WNK2: variants seen among roughly 807,000 people sequenced by gnomAD.
WNK2 encodes the protein WNK lysine deficient protein kinase 2.
A neutral mutation model predicts 192.1 loss-of-function variants in WNK2; 67 were observed. The observed-to-expected ratio is 0.35, with a 90% CI of 0.29 to 0.43. The LOEUF (loss-of-function observed/expected upper bound fraction) is 0.43, where lower values mean the gene tolerates loss of function less well. WNK2 is among the 20% of genes least tolerant of loss of function. The pLI, the probability that WNK2 is intolerant of heterozygous loss-of-function variation, is 1.00. For synonymous variants in WNK2, 1,439 were observed against 1,393.9 expected (o/e 1.03, Z -0.72); for missense variants, 2,698 against 3,089.7 (o/e 0.87, Z 3.01).
In WNK2 at chr9:93,293,002, G is replaced by T. The variant is rs759305591; in HGVS notation, c.5537G>T (p.Arg1846Met). ...FVKKATAFLQ[R>M]PSRAGSLGPE... ...AAGAAGGCCACCGCCTTCCTGCAGA[G>T]GCCTTCTCGGGCCGGCTCGCTGGGC... The change falls in exon 23 of 30, where the codon AGG becomes ATG. Residue 1846 changes from arginine (R) to methionine (M), a missense_variant. By Grantham distance (91) the Arg-to-Met change is moderately conservative. This residue lies in a region of WNK2 where 1,098 missense variants were observed against 1,101.0 expected (regional missense o/e 1.00). Coordinates refer to ENST00000427277, the MANE Select transcript of WNK2 (RefSeq NM_006648.4). 3 of 1,584,986 alleles carry T rather than the reference G, an allele frequency of 1.9e-6. No homozygotes were observed. Among genetic ancestry groups the T allele is most frequent in the Non-Finnish European group, 2.6e-6 (3 of 1,167,510 alleles).
chr9:93,208,431 G>A (rs575189901), intron 2 of WNK2, among the ~76,000 whole-genome samples: 30 of 152,314 alleles, frequency 2.0e-4, no homozygotes, highest in Non-Finnish European at 3.8e-4. Flanking sequence ...CTGTGTGCAC[G>A]TTTTCTGTGT....
At chr9:93,199,899 C>A (rs1213554292) in intron 2 of WNK2, among the ~76,000 whole-genome samples, 36 of 107,740 alleles carry the variant, frequency 3.3e-4, no homozygotes, top group Admixed American at 3.2e-4. Flanking sequence ...CTCTTTGTCT[C>A]AAAAAAAAAA....
At chr9:93,306,643 C>A in intron 26 of WNK2, 134 bp from the exon 27 acceptor site, 1 of 1,172,544 alleles carries the variant, frequency 8.5e-7, no homozygotes, top group Non-Finnish European at 1.3e-6. Context: ...GCCGGGTCGG[C>A]CCTCTCTCTG....
chr9:93,208,724 G>A (rs796734425), intron 2 of WNK2, among the ~76,000 whole-genome samples: 8 of 374 alleles, frequency 0.021, no homozygotes, highest in East Asian at 0.045. Context: ...TATGCTCTTC[G>A]TGCGTGTTCT....
chr9:93,294,199 T>A (rs1849859231), intron 23 of WNK2, among the ~76,000 whole-genome samples: 1 of 152,216 alleles, frequency 6.6e-6, no homozygotes, highest in Non-Finnish European at 1.5e-5. Context: ...CTGCACAGCG[T>A]ATGCACAGAG....
intron 27 of WNK2, 71 bp downstream of exon 27, chr9:93,306,892 G>A: frequency 6.2e-7 from 1 of 1,606,744 alleles, no homozygotes; most frequent in Admixed American, 1.7e-5. Flanking sequence ...GCGCACATCA[G>A]GGTTCCCGCG....
intron 2 of WNK2, among the ~76,000 whole-genome samples, chr9:93,201,869 G>A (rs1286399908): frequency 1.3e-5 from 2 of 152,222 alleles, no homozygotes; most frequent in East Asian, 1.9e-4. Context: ...CCTGCCGGCC[G>A]CTTCCTGAAC....
At chr9:93,315,975 CTT>C (rs1290268577) in intron 28 of WNK2, 6 of 152,188 alleles carry the variant, frequency 3.9e-5, no homozygotes, top group Non-Finnish European at 7.4e-5. Context: ...CAAATGAACT[CTT>C]GAGTATATTT....
At position 93,308,379 on chromosome 9, in the gene WNK2, C is replaced by T; in HGVS notation, c.6311C>T (p.Ala2104Val). 2 of 1,565,642 alleles carry T rather than the reference C, an allele frequency of 1.3e-6. No individual in the cohort carries two copies. The highest frequency in any genetic ancestry group is 1.4e-5 in the African/African-American group (1 of 73,832). Residue 2104 changes from alanine to valine, a missense_variant, in exon 28 of 30, where the codon GCC becomes GTC. Around this residue, in one of 7 missense-constraint regions of WNK2, gnomAD observed 167 missense variants for 184.2 expected, o/e 0.91. Coordinates refer to ENST00000427277, the MANE Select transcript of WNK2 (RefSeq NM_006648.4). Reference protein sequence around the residue: ...APGPEPGPQPALHVQAQVNNS... With the variant: ...APGPEPGPQPVLHVQAQVNNS... ...GGCCCTGAGCCAGGCCCCCAGCCCG[C>T]CCTGCACGTCCAGGCGCAGGTGAAC...
intron 5 of WNK2, among the ~76,000 whole-genome samples, chr9:93,236,728 C>T (rs191807599): frequency 6.6e-6 from 1 of 152,362 alleles, no homozygotes; most frequent in Non-Finnish European, 1.5e-5. Flanking sequence ...CGCAACAAAG[C>T]CGCATGGCCT....
chr9:93,236,364 C>T (rs573022776), intron 5 of WNK2, among the ~76,000 whole-genome samples: 22 of 152,172 alleles, frequency 1.4e-4, no homozygotes, highest in Non-Finnish European at 2.9e-4. Context: ...CTGGGGGCTC[C>T]AGCACCCAGG....
At chr9:93,211,193 C>G (rs1321001582) in intron 2 of WNK2, among the ~76,000 whole-genome samples, 22 of 151,122 alleles carry the variant, frequency 1.5e-4, no homozygotes, top group South Asian at 2.1e-4. Flanking sequence ...CATTCACACA[C>G]TCACACATTT....
intron 2 of WNK2, among the ~76,000 whole-genome samples, chr9:93,212,837 T>C (rs1411154565): frequency 6.6e-6 from 1 of 152,128 alleles, no homozygotes; most frequent in Non-Finnish European, 1.5e-5. Context: ...CATCTCTGGG[T>C]GTGAGTGAGA....
intron 19 of WNK2, 51 bp downstream of exon 19, chr9:93,268,797 C>T (rs769311083): frequency 1.4e-5 from 22 of 1,589,608 alleles, no homozygotes; most frequent in Non-Finnish European, 1.8e-5. Context: ...ATGTACAGGC[C>T]TCCTTCTGTG....
chr9:93,305,177 C>A (rs1462555401), intron 26 of WNK2, among the ~76,000 whole-genome samples: 1 of 152,230 alleles, frequency 6.6e-6, no homozygotes. Context: ...CAGATAGACA[C>A]AGAGCAGCTT....
intron 26 of WNK2, among the ~76,000 whole-genome samples, chr9:93,300,844 C>T (rs1183740159): frequency 6.6e-6 from 1 of 152,228 alleles, no homozygotes; most frequent in Admixed American, 6.5e-5. Context: ...CATTGCTCCT[C>T]ACCCACTGCT....
chr9:93,219,428 A>G (rs1000984866), intron 2 of WNK2, among the ~76,000 whole-genome samples: 5 of 152,206 alleles, frequency 3.3e-5, no homozygotes, highest in African/African-American at 1.2e-4. Context: ...CTGCATCCAA[A>G]AGTGTGGATA....
intron 20 of WNK2, 57 bp downstream of exon 20, chr9:93,289,677 C>T (rs1209035071): frequency 9.2e-6 from 13 of 1,413,446 alleles, no homozygotes; most frequent in South Asian, 7.6e-5. Context: ...GGAGCCCGGG[C>T]GCAGGCCCGG....
intron 19 of WNK2, among the ~76,000 whole-genome samples, chr9:93,275,173 GAC>G (rs1846639270): frequency 6.6e-6 from 1 of 152,184 alleles, no homozygotes; most frequent in Non-Finnish European, 1.5e-5. Context: ...CATAACAGTT[GAC>G]ACAGCAGAAT....
Sources: allele counts gnomAD v4.1 joint callset (sites outside exome capture counted in the v4.1 genomes callset), GRCh38; gene constraint gnomAD v4.1.1; regional missense constraint gnomAD v4.1.1; transcripts MANE v1.5; gene names NCBI Gene and HGNC (gene_info 2026-07-23, HGNC 2026-07-21).